PLXDC2: variants seen among roughly 807,000 people sequenced by gnomAD.
The protein encoded by PLXDC2 is plexin domain containing 2, also known as plexin domain-containing protein 2.
Under a neutral mutation model 68.9 loss-of-function variants are expected in PLXDC2, and 40 were observed. That is an observed-to-expected ratio of 0.58 (90% CI 0.45 to 0.76). PLXDC2 has a LOEUF of 0.76. PLXDC2 is among the 30% of genes least tolerant of loss of function. The pLI, the probability that PLXDC2 is intolerant of heterozygous loss-of-function variation, is 0.00. For missense variants in PLXDC2, 644 were observed against 661.9 expected (o/e 0.97, Z 0.30); for synonymous variants, 243 against 234.2 (o/e 1.04, Z -0.34).
intron 1 of PLXDC2, among the ~76,000 whole-genome samples, chr10:19,911,104 T>C (rs997151946): frequency 1.8e-4 from 27 of 151,924 alleles, no homozygotes; most frequent in Admixed American, 1.8e-3. Flanking sequence ...TGTGACTTGC[T>C]CACCAGGAAA....
intron 1 of PLXDC2, among the ~76,000 whole-genome samples, chr10:19,825,859 G>C (rs1487966997): frequency 1.3e-5 from 2 of 152,096 alleles, no homozygotes; most frequent in African/African-American, 2.4e-5. Flanking sequence ...TTTATATGCT[G>C]TCTTTTTGTT....
At chr10:19,867,064 C>CA (rs1554841098) in intron 1 of PLXDC2, among the ~76,000 whole-genome samples, 2 of 124,736 alleles carry the variant, frequency 1.6e-5, no homozygotes, top group Non-Finnish European at 3.3e-5. Flanking sequence ...TCCTTTCCCT[C>CA]TTTTTTTTTT....
chr10:20,041,443 G>A (rs1029377539), intron 2 of PLXDC2, among the ~76,000 whole-genome samples: 3 of 152,014 alleles, frequency 2.0e-5, no homozygotes, highest in South Asian at 2.1e-4. Context: ...CTTTCTAGAG[G>A]CCTATAAGAT....
chr10:19,882,312 G>A (rs1208353608), intron 1 of PLXDC2, among the ~76,000 whole-genome samples: 2 of 152,154 alleles, frequency 1.3e-5, no homozygotes, highest in Non-Finnish European at 2.9e-5. Flanking sequence ...GAGCAGCAAC[G>A]TTAACCTGAG....
chr10:20,216,075 C>A (rs1162425818), intron 10 of PLXDC2, among the ~76,000 whole-genome samples: 1 of 149,508 alleles, frequency 6.7e-6, no homozygotes, highest in Non-Finnish European at 1.5e-5. Context: ...AAAGGCAGAT[C>A]TTTTCTTTAA....
chr10:19,816,762 A>G lies in PLXDC2; in HGVS notation c.-318A>G. 1 of 452,044 alleles carries G rather than the reference A, an allele frequency of 2.2e-6. No homozygotes were observed. Among genetic ancestry groups the G allele is most frequent in the Non-Finnish European group, 4.0e-6 (1 of 250,570 alleles). The allele number at this position is 452,044 out of a possible 1,614,324, so 28.0% of individuals were successfully genotyped here. Reference sequence around the variant, plus strand: ...GCGGGCACCGGGTTGGCGCTGCCCGAGTGGAACCGACAGTTTGCGAGCCTC... The same window carrying G: ...GCGGGCACCGGGTTGGCGCTGCCCGGGTGGAACCGACAGTTTGCGAGCCTC... On this transcript the variant is annotated 5_prime_UTR_variant, in exon 1 of 14. Coordinates refer to ENST00000377252, the MANE Select transcript of PLXDC2 (RefSeq NM_032812.9).
At chr10:20,219,441 A>G (rs1835182623) in intron 12 of PLXDC2, among the ~76,000 whole-genome samples, 1 of 152,154 alleles carries the variant, frequency 6.6e-6, no homozygotes, top group Non-Finnish European at 1.5e-5. Flanking sequence ...ATTGTGTTTC[A>G]CTAAATTGTC....
intron 13 of PLXDC2, among the ~76,000 whole-genome samples, chr10:20,251,334 GT>G (rs1024057786): frequency 4.6e-5 from 7 of 152,144 alleles, no homozygotes; most frequent in South Asian, 4.1e-4. Context: ...TATGCTTTAA[GT>G]TTTTTTAAAA....
At chr10:20,257,222 G>T (rs954588132) in intron 13 of PLXDC2, among the ~76,000 whole-genome samples, 5 of 152,150 alleles carry the variant, frequency 3.3e-5, no homozygotes, top group Admixed American at 3.3e-4. Context: ...ACACAAGAAG[G>T]CCCCATTATC....
intron 3 of PLXDC2, among the ~76,000 whole-genome samples, chr10:20,057,047 C>T (rs759877985): frequency 4.6e-5 from 7 of 152,138 alleles, no homozygotes; most frequent in Non-Finnish European, 8.8e-5. Flanking sequence ...AGCTGAGATT[C>T]TCTTTTCTAA....
chr10:20,147,781 T>C lies in PLXDC2; in HGVS notation c.665-3T>C, dbSNP rs1245433426. 2 of 1,572,980 alleles carry C rather than the reference T, an allele frequency of 1.3e-6. No individual in the cohort carries two copies. Among genetic ancestry groups the C allele is most frequent in the Non-Finnish European group, 8.7e-7 (1 of 1,143,550 alleles). On this transcript the variant is annotated splice_polypyrimidine_tract_variant and splice_region_variant and intron_variant, in intron 5 of 13. Coordinates refer to ENST00000377252, the MANE Select transcript of PLXDC2 (RefSeq NM_032812.9). ...ATTTCTTCTTTTTTCAATGGGTGTA[T>C]AGGCACAGCACTTGTGGTCCAGTGG... is the stretch of plus-strand genomic sequence containing the variant.
Position 20,286,943 on chromosome 10 carries a change from C to T in PLXDC2, c.*7124C>T, listed in dbSNP as rs1261946431. On this transcript the variant is annotated 3_prime_UTR_variant, in exon 14 of 14. Coordinates refer to ENST00000377252, the MANE Select transcript of PLXDC2 (RefSeq NM_032812.9). Reference sequence around the variant, plus strand: ...TTCTCCATGCTGGTCAGGCTGGTCCCCAGCTCCCGACCTCAGGTGATCCGC... The same window carrying T: ...TTCTCCATGCTGGTCAGGCTGGTCCTCAGCTCCCGACCTCAGGTGATCCGC... The T allele has an allele frequency of 1.3e-5, 2 of 152,200 alleles. No individual in the cohort carries two copies. Among genetic ancestry groups the T allele is most frequent in the African/African-American group, 4.8e-5 (2 of 41,426 alleles). 9.4% of individuals were successfully genotyped at this position (152,200 alleles called of 1,614,324 possible). A position where few individuals can be genotyped will look rare whatever the true frequency, so the allele number is the denominator to read the frequency against.
At chr10:19,860,841 A>C (rs1337096979) in intron 1 of PLXDC2, among the ~76,000 whole-genome samples, 1 of 152,088 alleles carries the variant, frequency 6.6e-6, no homozygotes, top group Non-Finnish European at 1.5e-5. Context: ...AGTACCAGAG[A>C]AAATCTGGGA....
chr10:20,279,032 G>C (rs1329393392), intron 13 of PLXDC2, among the ~76,000 whole-genome samples: 1 of 152,168 alleles, frequency 6.6e-6, no homozygotes, highest in African/African-American at 2.4e-5. Flanking sequence ...TTTAGGACTA[G>C]TGTCTATTGT....
chr10:19,900,776 C>T (rs1222854510), intron 1 of PLXDC2, among the ~76,000 whole-genome samples: 1 of 151,654 alleles, frequency 6.6e-6, no homozygotes, highest in Non-Finnish European at 1.5e-5. Flanking sequence ...TTGCCCAGAG[C>T]CCCCAAAGTC....
At chr10:20,178,669 TTATTGAA>T (rs1284700511) in intron 9 of PLXDC2, among the ~76,000 whole-genome samples, 11 of 152,152 alleles carry the variant, frequency 7.2e-5, no homozygotes, top group Admixed American at 7.2e-4. Flanking sequence ...ACTTTAAAAC[TTATTGAA>T]GAATGCAAAA....
chr10:20,133,631 C>A lies in PLXDC2; in HGVS notation c.542-9664C>A, dbSNP rs1012232399. ...TTTTTGTCTTGCTGCTCTCAAATTT[C>A]TCGCTATGTCTTTGACTTCAGAGAA... On this transcript the variant is annotated intron_variant, in intron 4 of 13. Transcript: ENST00000377252. Among the ~76,000 whole-genome samples the A allele has an allele frequency of 2.6e-5, 4 of 152,272 alleles. No homozygotes were observed. The East Asian group carries it at 7.7e-4, about 29-fold the overall frequency.
rs1408432872 is a variant in PLXDC2 at position 20,283,060 on chromosome 10, G to A, written c.*3241G>A. Reference sequence around the variant, plus strand: ...TTGGATAACAAGAAACACTTCCGTGGTTGAAGAAAATTTTAATGGACAATG... The same window carrying A: ...TTGGATAACAAGAAACACTTCCGTGATTGAAGAAAATTTTAATGGACAATG... On this transcript the variant is annotated 3_prime_UTR_variant, in exon 14 of 14. Coordinates refer to ENST00000377252, the MANE Select transcript of PLXDC2 (RefSeq NM_032812.9). 6.6e-6 allele frequency: 1 copy of A among 152,188 alleles called. No individual in the cohort carries two copies. The highest frequency in any genetic ancestry group is 2.4e-5 in the African/African-American group (1 of 41,444). 9.4% of individuals were successfully genotyped at this position (152,188 alleles called of 1,614,324 possible). A position where few individuals can be genotyped will look rare whatever the true frequency, so the allele number is the denominator to read the frequency against.
chr10:20,165,185 A>T (rs1834357781), intron 7 of PLXDC2, among the ~76,000 whole-genome samples: 1 of 152,124 alleles, frequency 6.6e-6, no homozygotes, highest in Non-Finnish European at 1.5e-5. Flanking sequence ...TAAAACAGTG[A>T]CAGATTATTG....
Sources: allele counts gnomAD v4.1 joint callset (sites outside exome capture counted in the v4.1 genomes callset), GRCh38; gene constraint gnomAD v4.1.1; transcripts MANE v1.5; gene names NCBI Gene and HGNC (gene_info 2026-07-23, HGNC 2026-07-21).